Variants in ATP7B observed in about 807,000 individuals in gnomAD.
ATP7B encodes ATPase copper transporting beta.
In ATP7B, 113 loss-of-function variants were observed where a neutral mutation model predicts 118.9. The ratio of observed to expected loss-of-function variants is 0.95; its 90% CI spans 0.82 to 1.11. The LOEUF is 1.11. ATP7B is among the 50% of genes most tolerant of loss of function. ATP7B has a pLI of 0.00. For synonymous variants in ATP7B, 777 were observed against 727.4 expected, an observed-to-expected ratio of 1.07 and a Z score of -1.10; for missense variants, 1,867 against 1,871.4, an observed-to-expected ratio of 1.00 and a Z score of 0.04.
intron 9 of ATP7B, 37 bp downstream of exon 9, chr13:51,957,479 A>G: frequency 6.3e-7 from 1 of 1,584,406 alleles, no homozygotes; most frequent in Non-Finnish European, 8.7e-7. Flanking sequence ...AGATTGATAG[A>G]TACCAACCAC....
At chr13:51,942,302 G>A (rs1593664906) in intron 15 of ATP7B, 84 bp downstream of exon 15, 5 of 1,594,788 alleles carry the variant, frequency 3.1e-6, no homozygotes, top group Non-Finnish European at 4.3e-6. Context: ...GCACAGCAGA[G>A]GCAATCACTG....
intron 14 of ATP7B, 58 bp from the exon 15 acceptor site, chr13:51,942,612 G>A: frequency 6.2e-7 from 1 of 1,603,382 alleles, no homozygotes. Flanking sequence ...TGAAGTGAAA[G>A]GGAGGGGCAG....
rs1277797221 is a variant in ATP7B, at chr13:51,975,170, T to TA, written c.52-3dup. ...AGGCAAAGAAAGCTTAGATAAGATC[T>TA]AAAAAGAAAAGAAATAACATTTTTT... is the stretch of plus-strand genomic sequence containing the variant. On this transcript the variant is annotated splice_polypyrimidine_tract_variant and splice_region_variant and intron_variant, in intron 1 of 20. Transcript: ENST00000242839. 1.2e-6 allele frequency: 2 copies of TA among 1,614,064 alleles called. No homozygotes were observed. Among genetic ancestry groups the TA allele is most frequent in the Non-Finnish European group, 1.7e-6 (2 of 1,179,906 alleles).
At chr13:51,996,984 G>A (rs569807601) in intron 1 of ATP7B, among the ~76,000 whole-genome samples, 10 of 152,306 alleles carry the variant, frequency 6.6e-5, no homozygotes, top group African/African-American at 2.2e-4. Flanking sequence ...GATGCTAAAG[G>A]CCTTGAGCCC....
upstream of ATP7B, chr13:52,011,496 C>T: frequency 1.2e-6 from 1 of 841,598 alleles, no homozygotes; most frequent in Non-Finnish European, 1.9e-6. Context: ...GTCCGGGAAC[C>T]GCCCCTTCAT....
chr13:51,936,404 C>T (rs1167611166), intron 19 of ATP7B, among the ~76,000 whole-genome samples: 1 of 146,166 alleles, frequency 6.8e-6, no homozygotes, highest in African/African-American at 2.5e-5. Context: ...CATGGAGGAG[C>T]ACTCTGGAAC....
At chr13:51,958,876 A>G (rs547437072) in intron 7 of ATP7B, 154 of 388,696 alleles carry the variant, frequency 4.0e-4, no homozygotes, top group Non-Finnish European at 6.8e-4. Flanking sequence ...CCCTAAAGAG[A>G]ATGGGCTCTA....
Position 51,935,489 on chromosome 13 carries a change from G to C in ATP7B, c.4124+104C>G, listed in dbSNP as rs1354371715. ...GGCTGCCACTGCAGCATTTGTCCCAGGTGAATGAATGGGAAATGAGAGGCA... is the reference window on the plus strand; with the variant it reads ...GGCTGCCACTGCAGCATTTGTCCCACGTGAATGAATGGGAAATGAGAGGCA... On this transcript the variant is annotated intron_variant, in intron 20 of 20. Transcript: ENST00000242839. 7.2e-6 allele frequency: 9 copies of C among 1,255,318 alleles called. No homozygotes were observed. In the African/African-American group the frequency reaches 1.0e-4, roughly 15 times the overall value. 77.8% of individuals were successfully genotyped at this position (1,255,318 alleles called of 1,614,324 possible). A position where few individuals can be genotyped will look rare whatever the true frequency, so the allele number is the denominator to read the frequency against.
intron 1 of ATP7B, among the ~76,000 whole-genome samples, chr13:52,008,733 C>T (rs938119283): frequency 6.6e-6 from 1 of 152,206 alleles, no homozygotes; most frequent in African/African-American, 2.4e-5. Flanking sequence ...TCAACCTAGG[C>T]TACTTCTCTG....
chr13:51,988,359 C>T (rs1427600213), intron 1 of ATP7B, among the ~76,000 whole-genome samples: 1 of 152,150 alleles, frequency 6.6e-6, no homozygotes, highest in African/African-American at 2.4e-5. Flanking sequence ...CAATGAGATA[C>T]CATCTCATGC....
chr13:51,975,386 C>T (rs2140121816), intron 1 of ATP7B: 1 of 739,264 alleles, frequency 1.4e-6, no homozygotes, highest in East Asian at 2.7e-5. Flanking sequence ...ACTGTCTGTC[C>T]TCCTTAGTGA....
intron 2 of ATP7B, 130 bp from the exon 3 acceptor site, chr13:51,970,879 T>TGAGG: frequency 1.4e-6 from 1 of 696,482 alleles, no homozygotes; most frequent in Non-Finnish European, 2.3e-6. Context: ...GCCCCTGGGC[T>TGAGG]CCAGTAACTA....
rs545813070 is a variant in ATP7B, at chr13:51,933,029, T to C, written c.*1727A>G. ...AACAGCGCGCTTGGATTTTATAAAA[T>C]AAAACCCTGCAAAAACTATATGTAA... On this transcript the variant is annotated 3_prime_UTR_variant, in exon 21 of 21. Coordinates refer to ENST00000242839, the MANE Select transcript of ATP7B (RefSeq NM_000053.4). The C allele has an allele frequency of 1.3e-5, 2 of 152,144 alleles. No individual in the cohort carries two copies. The highest frequency in any genetic ancestry group is 4.8e-5 in the African/African-American group (2 of 41,502). The allele number at this position is 152,144 out of a possible 1,614,324, so 9.4% of individuals were successfully genotyped here.
intron 1 of ATP7B, among the ~76,000 whole-genome samples, chr13:52,006,529 G>C (rs951984432): frequency 6.6e-6 from 1 of 152,172 alleles, no homozygotes; most frequent in African/African-American, 2.4e-5. Context: ...AGGCTTTTCA[G>C]CCACCTTTGG....
In ATP7B at chr13:51,960,304, C is replaced by G. The variant is rs574041847; in HGVS notation, c.1965G>C (p.Leu655=). ...CAGGGATGCCAAACACCAGGCTGCACAGGAAAGACTTCTTCCACCTGGAAA... is the reference window on the plus strand; with the variant it reads ...CAGGGATGCCAAACACCAGGCTGCAGAGGAAAGACTTCTTCCACCTGGAAA... ...MEIKQWKKSF[L]CSLVFGIPVM... is the part of the protein sequence containing the mutation. Residue 655 remains leucine, a synonymous_variant, in exon 7 of 21, where the codon CTG becomes CTC. Coordinates refer to ENST00000242839, the MANE Select transcript of ATP7B (RefSeq NM_000053.4). 2.5e-6 allele frequency: 4 copies of G among 1,613,568 alleles called. No individual in the cohort carries two copies. The highest frequency in any genetic ancestry group is 3.4e-6 in the Non-Finnish European group (4 of 1,179,822).
intron 12 of ATP7B, among the ~76,000 whole-genome samples, chr13:51,948,275 C>T (rs535772098): frequency 5.3e-5 from 8 of 152,154 alleles, no homozygotes; most frequent in Admixed American, 3.3e-4. Context: ...CTTTTTGCTA[C>T]GTTGCCCAGG....
chr13:51,945,400 C>T (rs1002844189), intron 13 of ATP7B, among the ~76,000 whole-genome samples: 10 of 152,178 alleles, frequency 6.6e-5, no homozygotes, highest in African/African-American at 1.7e-4. Context: ...GGGGATACCG[C>T]GGGGAGGGGA....
chr13:51,984,279 C>G (rs533971366), intron 1 of ATP7B, among the ~76,000 whole-genome samples: 10 of 152,032 alleles, frequency 6.6e-5, no homozygotes, highest in African/African-American at 2.4e-4. Flanking sequence ...ACACAAGTAT[C>G]AATAGCCAAA....
rs575822077 is a variant in ATP7B, at chr13:51,941,736, T to TGC, written c.3413-513_3413-512insGC. On this transcript the variant is annotated intron_variant, in intron 15 of 20. Transcript: ENST00000242839. ...CGTGTGCTGCTAGCTGAGGTGTCAC[T>TGC]GAACGGCCAGGCTCTGGAAGCTCTC... 1.4e-4 allele frequency among the ~76,000 whole-genome samples: 21 copies of TGC among 152,340 alleles called. No individual in the cohort carries two copies. In the South Asian group the frequency reaches 3.9e-3, roughly 29 times the overall value.
Sources: gnomAD v4.1 joint callset for allele counts (sites outside exome capture counted in the v4.1 genomes callset) on GRCh38, gnomAD v4.1.1 for gene constraint, MANE v1.5 for transcripts, NCBI Gene and HGNC (gene_info 2026-07-23, HGNC 2026-07-21) for gene names.